The following PDE10A variants were observed in gnomAD, a reference collection of about 807,000 sequenced individuals.
PDE10A encodes the protein cAMP and cAMP-inhibited cGMP 3',5'-cyclic phosphodiesterase 10A.
Under a neutral mutation model 97.7 loss-of-function variants are expected in PDE10A, and 39 were observed. That is an observed-to-expected ratio of 0.40 (90% CI 0.31 to 0.52). PDE10A has a LOEUF of 0.52. Ranked by LOEUF, PDE10A falls within the 20% of genes least tolerant of loss-of-function variation. The probability of loss-of-function intolerance (pLI) is 0.56; values close to 1 mark genes in which losing one functional copy is unlikely to be tolerated. For synonymous variants in PDE10A, 371 were observed against 376.8 expected (o/e 0.98, Z 0.18); for missense variants, 731 against 1,047.8 (o/e 0.70, Z 4.17).
intron 13 of PDE10A, among the ~76,000 whole-genome samples, chr6:165,410,832 T>G (rs112006270): frequency 0.015 from 2,257 of 150,748 alleles, 67 homozygotes; most frequent in African/African-American, 0.051. Flanking sequence ...CTCACGCCTG[T>G]AATCCCAGCA....
In PDE10A at chr6:165,907,360, T is replaced by C. The variant is rs548654263; in HGVS notation, c.-615+80169A>G. Among the ~76,000 whole-genome samples, 4 of 152,224 alleles carry C rather than the reference T, an allele frequency of 2.6e-5. No individual in the cohort carries two copies. The South Asian group carries it at 6.2e-4, about 24-fold the overall frequency. On this transcript the variant is annotated intron_variant, in intron 1 of 19. Transcript: ENST00000366882. ...GGCCAGGGGCATAGAGGCTGAGGTG[T>C]GAGGGGTGGGCGAGAGCCTCCCTCT...
intron 2 of PDE10A, among the ~76,000 whole-genome samples, chr6:165,483,742 A>G (rs946256507): frequency 1.3e-5 from 2 of 152,226 alleles, no homozygotes; most frequent in African/African-American, 4.8e-5. Flanking sequence ...AGAGTCACCT[A>G]GCTATGACAT....
chr6:165,582,995 C>G (rs1282069877), intron 1 of PDE10A, among the ~76,000 whole-genome samples: 2 of 152,160 alleles, frequency 1.3e-5, no homozygotes, highest in African/African-American at 2.4e-5. Context: ...GTGTCAACCA[C>G]CAAGTACCGG....
At chr6:165,678,617 T>G (rs1562680199) in intron 1 of PDE10A, among the ~76,000 whole-genome samples, 1 of 152,248 alleles carries the variant, frequency 6.6e-6, no homozygotes, top group East Asian at 1.9e-4. Flanking sequence ...CCACTTCCCA[T>G]GCCACCCGGT....
chr6:165,950,724 G>A (rs533703511), intron 1 of PDE10A, among the ~76,000 whole-genome samples: 45 of 147,396 alleles, frequency 3.1e-4, no homozygotes, highest in East Asian at 8.1e-4. Context: ...AGTTACAGCC[G>A]TCTTCAGCTG....
chr6:165,420,612 T>C (rs1788625428), intron 10 of PDE10A, among the ~76,000 whole-genome samples: 5 of 152,258 alleles, frequency 3.3e-5, no homozygotes, highest in Admixed American at 3.3e-4. Flanking sequence ...TAATGTCAGT[T>C]GCTTAATATT....
rs1789896312 is a variant in PDE10A, at chr6:165,655,473, A to G, written c.865+6474T>C. Among the ~76,000 whole-genome samples, 1 of 150,824 alleles carries G rather than the reference A, an allele frequency of 6.6e-6. No individual in the cohort carries two copies. The highest frequency in any genetic ancestry group is 1.5e-5 in the Non-Finnish European group (1 of 67,728). On this transcript the variant is annotated intron_variant, in intron 1 of 21. Coordinates refer to ENST00000539869, the MANE Select transcript of PDE10A (RefSeq NM_001385079.1). The surrounding 1 kb of genome is among the most constrained non-coding windows in gnomAD (Gnocchi z 4.5). ...CCAAAAACCCAGGCATGGATTCTTG[A>G]TTCCTCTCTCTCCCTTGACGTCCCC...
chr6:165,428,758 T>C, intron 9 of PDE10A, 49 bp from the exon 10 acceptor site: 1 of 700,286 alleles, frequency 1.4e-6, no homozygotes, highest in Non-Finnish European at 2.5e-6. Context: ...TAGTTCACAG[T>C]ACATATTACA....
At chr6:165,709,722 C>G (rs1791846364) in intron 1 of PDE10A, among the ~76,000 whole-genome samples, 1 of 128,998 alleles carries the variant, frequency 7.8e-6, no homozygotes, top group Admixed American at 7.8e-5. Context: ...TCCCCCCACT[C>G]TCTACCCCCA....
intron 1 of PDE10A, among the ~76,000 whole-genome samples, chr6:165,933,104 C>T (rs958813938): frequency 3.9e-5 from 6 of 152,162 alleles, no homozygotes; most frequent in African/African-American, 7.2e-5. Flanking sequence ...GGGGAGCACA[C>T]AGGAGGCAGC....
intron 1 of PDE10A, among the ~76,000 whole-genome samples, chr6:165,740,723 A>G (rs532293416): frequency 7.9e-5 from 12 of 152,306 alleles, no homozygotes; most frequent in Non-Finnish European, 1.5e-4. Flanking sequence ...ATGAACATGA[A>G]ATAAGCTGGG....
At chr6:165,825,011 T>C (rs1236645015) in intron 1 of PDE10A, among the ~76,000 whole-genome samples, 2 of 142,258 alleles carry the variant, frequency 1.4e-5, no homozygotes, top group Non-Finnish European at 3.0e-5. Flanking sequence ...TAGCTGGGCA[T>C]GGTGGCAGTC....
chr6:165,339,602 G>T (rs1781855961), intron 19 of PDE10A, among the ~76,000 whole-genome samples: 1 of 152,100 alleles, frequency 6.6e-6, no homozygotes, highest in Admixed American at 6.6e-5. Flanking sequence ...GTTTCATTTT[G>T]CAGAAGTTAG....
intron 18 of PDE10A, among the ~76,000 whole-genome samples, chr6:165,367,597 C>T (rs1015618393): frequency 6.6e-6 from 1 of 151,214 alleles, no homozygotes; most frequent in Non-Finnish European, 1.5e-5. Flanking sequence ...TAAAAGCGGT[C>T]AGGGTAAAAG....
chr6:165,764,484 G>A (rs1002479664), intron 1 of PDE10A, among the ~76,000 whole-genome samples: 8 of 149,806 alleles, frequency 5.3e-5, no homozygotes, highest in Middle Eastern at 3.4e-3. Context: ...GAATGAAGCC[G>A]TGGACCCTCG....
chr6:165,622,241 CCT>C (rs912772056), intron 1 of PDE10A, among the ~76,000 whole-genome samples: 3 of 151,780 alleles, frequency 2.0e-5, no homozygotes, highest in African/African-American at 4.9e-5. Context: ...AATCGGGCAA[CCT>C]CTCTCTGTCT....
intron 1 of PDE10A, 58 bp from the exon 2 acceptor site, chr6:165,543,626 A>G (rs765996618): frequency 4.0e-5 from 55 of 1,375,840 alleles, no homozygotes; most frequent in Non-Finnish European, 5.2e-5. Context: ...TATCAATGAA[A>G]GGTATAGTAT....
Position 165,661,831 on chromosome 6 carries a change from C to G in PDE10A, c.865+116G>C, listed in dbSNP as rs565214206. On this transcript the variant is annotated intron_variant, in intron 1 of 21. Transcript: ENST00000539869. The surrounding 1 kb of genome is among the most constrained non-coding windows in gnomAD (Gnocchi z 4.8). ...AGAAGCCCCCTGGGCGCTCCACGCC[C>G]GGGCACGGGCACCTCGCTCGACACC... The G allele has an allele frequency of 3.6e-4, 214 of 592,972 alleles. No individual in the cohort carries two copies. The African/African-American group carries it at 3.8e-3, about 11-fold the overall frequency. 36.7% of individuals were successfully genotyped at this position (592,972 alleles called of 1,614,324 possible).
intron 1 of PDE10A, among the ~76,000 whole-genome samples, chr6:165,706,786 C>T (rs1791720346): frequency 6.6e-6 from 1 of 152,096 alleles, no homozygotes; most frequent in Admixed American, 6.5e-5. Context: ...GAGAAAAAGG[C>T]TTATGAATAA....
Sources: gnomAD v4.1 joint callset for allele counts (sites outside exome capture counted in the v4.1 genomes callset) on GRCh38, gnomAD v4.1.1 for gene constraint, Gnocchi (gnomAD v3.1) non-coding constraint, MANE v1.5 for transcripts, NCBI Gene and HGNC (gene_info 2026-07-23, HGNC 2026-07-21) for gene names.